PXDNL: variants seen among roughly 807,000 people sequenced by gnomAD.
The protein encoded by PXDNL is peroxidasin like.
A neutral mutation model predicts 150.8 loss-of-function variants in PXDNL; 145 were observed. The observed-to-expected ratio is 0.96, with a 90% CI of 0.84 to 1.10. The LOEUF (loss-of-function observed/expected upper bound fraction) is 1.10, where lower values mean the gene tolerates loss of function less well. Among genes scored for constraint, PXDNL ranks in the 50% least tolerant of loss-of-function variants. The pLI, the probability that PXDNL is intolerant of heterozygous loss-of-function variation, is 0.00. For missense variants in PXDNL, 2,087 were observed against 1,873.9 expected (o/e 1.11, Z -2.10); for synonymous variants, 757 against 725.7 (o/e 1.04, Z -0.69).
chr8:51,638,247 T>A (rs1814652051), intron 2 of PXDNL, among the ~76,000 whole-genome samples: 3 of 152,160 alleles, frequency 2.0e-5, no homozygotes, highest in African/African-American at 7.2e-5. Context: ...TGCAAAAACA[T>A]GCCAAATTGT....
In PXDNL at chr8:51,473,745, T is replaced by TA. The variant is rs58652177; in HGVS notation, c.694+1226dup. Among the ~76,000 whole-genome samples, 978 of 129,882 alleles carry TA rather than the reference T, an allele frequency of 7.5e-3. 9 individuals carry two copies. Among genetic ancestry groups the TA allele is most frequent in the East Asian group, 0.064 (287 of 4,474 alleles). The allele number at this position is 129,882 out of a possible 152,430, so 85.2% of individuals were successfully genotyped here. A position where few individuals can be genotyped will look rare whatever the true frequency, so the allele number is the denominator to read the frequency against. ...ATACCCTAAAACTTAATGTCTAATT[T>TA]AAAAAAAAAAAAAAAAAACAGTAAG... On this transcript the variant is annotated intron_variant, in intron 7 of 22. Coordinates refer to ENST00000356297, the MANE Select transcript of PXDNL (RefSeq NM_144651.5).
chr8:51,585,165 G>C (rs10282811), intron 3 of PXDNL, among the ~76,000 whole-genome samples: 4,514 of 152,216 alleles, frequency 0.03, 235 homozygotes, highest in African/African-American at 0.1. Flanking sequence ...CGTTTGAAGG[G>C]AGAAAGATAA....
At chr8:51,687,116 A>G (rs1815893956) in intron 1 of PXDNL, among the ~76,000 whole-genome samples, 1 of 152,178 alleles carries the variant, frequency 6.6e-6, no homozygotes, top group Non-Finnish European at 1.5e-5. Context: ...TTTAAATAAT[A>G]ATATTAAAGA....
chr8:51,324,348 T>C (rs1434299152), intron 21 of PXDNL, among the ~76,000 whole-genome samples: 1 of 133,006 alleles, frequency 7.5e-6, no homozygotes, highest in Non-Finnish European at 1.6e-5. Flanking sequence ...CATCCTTGCC[T>C]TGTTTGCAAT....
Position 51,809,093 on chromosome 8 carries a change from G to T in PXDNL, c.164+88C>A, listed in dbSNP as rs778480597. 3.2e-5 allele frequency: 43 copies of T among 1,359,388 alleles called. 1 individual carries two copies. Among genetic ancestry groups the T allele is most frequent in the Non-Finnish European group, 3.8e-5 (37 of 967,292 alleles). The allele number at this position is 1,359,388 out of a possible 1,614,324, so 84.2% of individuals were successfully genotyped here. A position where few individuals can be genotyped will look rare whatever the true frequency, so the allele number is the denominator to read the frequency against. On this transcript the variant is annotated intron_variant, in intron 1 of 22. Coordinates refer to ENST00000356297, the MANE Select transcript of PXDNL (RefSeq NM_144651.5). Reference sequence around the variant, plus strand: ...AGTATACAAGCAGGGAGAGCATTAGGAATCGTAAATTAAAAGGACACAGGT... The same window carrying T: ...AGTATACAAGCAGGGAGAGCATTAGTAATCGTAAATTAAAAGGACACAGGT...
intron 4 of PXDNL, among the ~76,000 whole-genome samples, chr8:51,530,128 G>T (rs1016199): frequency 0.2 from 30,737 of 152,052 alleles, 3,332 homozygotes; most frequent in Admixed American, 0.29. Context: ...TGGCAGCTGG[G>T]TGTGTGCATC....
rs373988396 is a variant in PXDNL, at chr8:51,408,924, G to A, written c.2700C>T (p.Tyr900=). 1.2e-6 allele frequency: 2 copies of A among 1,612,110 alleles called. No homozygotes were observed. The highest frequency in any genetic ancestry group is 1.3e-5 in the African/African-American group (1 of 75,048). Residue 900 remains tyrosine (Y), a synonymous_variant, in exon 17 of 23, where the codon TAC becomes TAT. Transcript: ENST00000356297. ...QTAYIDGSNV[Y]GSSERESQAL... The stretch of plus-strand genomic sequence containing the variant: ...CCTGGGATTCCCGCTCCGAGCTCCC[G>A]TAAACGTTGGAGCCATCGATGTAGG...
intron 2 of PXDNL, among the ~76,000 whole-genome samples, chr8:51,645,962 A>G (rs943913552): frequency 3.9e-5 from 6 of 152,146 alleles, no homozygotes; most frequent in African/African-American, 1.2e-4. Flanking sequence ...GCATTGCAGC[A>G]TAAAGACTGA....
At chr8:51,792,785 G>A (rs906851341) in intron 1 of PXDNL, among the ~76,000 whole-genome samples, 2 of 152,204 alleles carry the variant, frequency 1.3e-5, no homozygotes, top group African/African-American at 4.8e-5. Context: ...CCTCCCTGCT[G>A]GAGTTTCCGC....
chr8:51,343,390 A>G (rs912816204), intron 20 of PXDNL, among the ~76,000 whole-genome samples: 4 of 152,236 alleles, frequency 2.6e-5, no homozygotes, highest in South Asian at 2.1e-4. Context: ...ATAAAACAAA[A>G]CAAATCAGAG....
intron 4 of PXDNL, among the ~76,000 whole-genome samples, chr8:51,505,896 G>T (rs749998405): frequency 1.3e-5 from 2 of 152,138 alleles, no homozygotes; most frequent in Admixed American, 6.5e-5. Flanking sequence ...AAATAGGCAC[G>T]CTTTAGCTTC....
At chr8:51,467,698 C>T (rs1247652994) in intron 8 of PXDNL, among the ~76,000 whole-genome samples, 1 of 152,052 alleles carries the variant, frequency 6.6e-6, no homozygotes, top group African/African-American at 2.4e-5. Context: ...TCAACATCTT[C>T]TAATGGGTCT....
chr8:51,671,203 A>G (rs1815494032), intron 1 of PXDNL, among the ~76,000 whole-genome samples: 1 of 152,254 alleles, frequency 6.6e-6, no homozygotes, highest in Non-Finnish European at 1.5e-5. Context: ...GAAGAGATCG[A>G]CAGATAGAAT....
At chr8:51,585,929 G>A (rs948643241) in intron 3 of PXDNL, among the ~76,000 whole-genome samples, 1 of 151,938 alleles carries the variant, frequency 6.6e-6, no homozygotes, top group Non-Finnish European at 1.5e-5. Flanking sequence ...ATCCATCCTG[G>A]ATACTAACCC....
intron 4 of PXDNL, among the ~76,000 whole-genome samples, chr8:51,546,718 C>A (rs1427097243): frequency 1.3e-5 from 2 of 152,196 alleles, no homozygotes; most frequent in East Asian, 1.9e-4. Context: ...GAGACCCCTA[C>A]TTGCTTTCTC....
At chr8:51,754,981 G>T (rs1456206494) in intron 1 of PXDNL, among the ~76,000 whole-genome samples, 6 of 152,106 alleles carry the variant, frequency 3.9e-5, no homozygotes, top group Non-Finnish European at 5.9e-5. Context: ...CCTGAGACTG[G>T]GATTACAGGT....
intron 1 of PXDNL, among the ~76,000 whole-genome samples, chr8:51,659,243 T>G: frequency 6.6e-6 from 1 of 152,206 alleles, no homozygotes; most frequent in Admixed American, 6.5e-5. Context: ...TCATTGTTCT[T>G]TGGAACTCAG....
chr8:51,393,890 C>T (rs1472118137), intron 17 of PXDNL, among the ~76,000 whole-genome samples: 1 of 152,246 alleles, frequency 6.6e-6, no homozygotes, highest in African/African-American at 2.4e-5. Context: ...CAATTTCCGA[C>T]TCCTGACCTC....
At chr8:51,337,566 C>T (rs1383711153) in intron 21 of PXDNL, among the ~76,000 whole-genome samples, 2 of 152,198 alleles carry the variant, frequency 1.3e-5, no homozygotes, top group Admixed American at 6.5e-5. Context: ...CAATGCCTCA[C>T]GTCTTTCAGA....
Sources: allele counts gnomAD v4.1 joint callset (sites outside exome capture counted in the v4.1 genomes callset), GRCh38; gene constraint gnomAD v4.1.1; transcripts MANE v1.5; gene names NCBI Gene and HGNC (gene_info 2026-07-23, HGNC 2026-07-21).